TAFA5: variants seen among roughly 807,000 people sequenced by gnomAD.
TAFA5 encodes the protein chemokine-like protein TAFA-5.
A neutral mutation model predicts 15.3 loss-of-function variants in TAFA5; 6 were observed. The ratio of observed to expected loss-of-function variants is 0.39; its 90% confidence interval spans 0.21 to 0.77. The LOEUF (loss-of-function observed/expected upper bound fraction) is 0.77, where lower values mean the gene tolerates loss of function less well. Among genes scored for constraint, TAFA5 ranks in the 30% least tolerant of loss-of-function variants. The pLI is 0.41. For missense variants in TAFA5, 161 were observed against 193.1 expected (o/e 0.83, Z 0.98); for synonymous variants, 103 against 80.7 (o/e 1.28, Z -1.48).
intron 1 of TAFA5, among the ~76,000 whole-genome samples, chr22:48,517,712 G>A (rs1166669575): frequency 6.8e-6 from 1 of 147,320 alleles, no homozygotes; most frequent in Non-Finnish European, 1.5e-5. Context: ...GCCTAGGCTG[G>A]GGCACCGAGA....
In TAFA5 at chr22:48,530,644, C is replaced by A. The variant is rs1156614629; in HGVS notation, c.112+40940C>A. On this transcript the variant is annotated intron_variant, in intron 1 of 3. Coordinates refer to ENST00000402357, the MANE Select transcript of TAFA5 (RefSeq NM_001082967.3). The surrounding 1 kb of genome is among the most constrained non-coding windows in gnomAD (Gnocchi z 6.0). ...CCTTCCCATCCCTTCTGCTTGGCGA[C>A]CCTCCTCCAATGGGCTCCCGTCTTT... Among the ~76,000 whole-genome samples the A allele has an allele frequency of 6.6e-6, 1 of 152,066 alleles. No homozygotes were observed. Among genetic ancestry groups the A allele is most frequent in the Non-Finnish European group, 1.5e-5 (1 of 68,020 alleles).
chr22:48,602,164 C>G (rs1924998266), intron 1 of TAFA5, among the ~76,000 whole-genome samples: 1 of 152,212 alleles, frequency 6.6e-6, no homozygotes, highest in Non-Finnish European at 1.5e-5. Flanking sequence ...TTCCTCAAGC[C>G]CCAGGCAGTG....
chr22:48,540,172 G>C (rs1174539694), intron 1 of TAFA5, among the ~76,000 whole-genome samples: 1 of 152,202 alleles, frequency 6.6e-6, no homozygotes, highest in East Asian at 1.9e-4. Context: ...ACGGGAGGGT[G>C]AGTTTGCCCA....
intron 1 of TAFA5, among the ~76,000 whole-genome samples, chr22:48,510,270 G>A (rs986678861): frequency 2.0e-5 from 3 of 152,184 alleles, no homozygotes; most frequent in Non-Finnish European, 4.4e-5. Context: ...TGTGGAATGG[G>A]CGAGAATATT....
intron 1 of TAFA5, among the ~76,000 whole-genome samples, chr22:48,527,545 T>C (rs567914496): frequency 6.6e-6 from 1 of 152,316 alleles, no homozygotes; most frequent in South Asian, 2.1e-4. Flanking sequence ...AAGGACATGG[T>C]GCACAGTCCT....
intron 3 of TAFA5, among the ~76,000 whole-genome samples, chr22:48,722,353 A>G (rs1188449830): frequency 2.6e-5 from 4 of 152,232 alleles, no homozygotes; most frequent in African/African-American, 9.6e-5. Context: ...TGGCACATAT[A>G]CACCATAGAA....
chr22:48,599,770 T>C (rs1174883516), intron 1 of TAFA5, among the ~76,000 whole-genome samples: 2 of 152,230 alleles, frequency 1.3e-5, no homozygotes, highest in African/African-American at 4.8e-5. Context: ...TGCCGATGTT[T>C]GAGGCAGATC....
rs142378122 is a variant in TAFA5, at chr22:48,701,949, G to A, written c.263-5768G>A. 6.0e-3 allele frequency among the ~76,000 whole-genome samples: 920 copies of A among 152,292 alleles called. 5 individuals are homozygous for A. Among genetic ancestry groups the A allele is most frequent in the African/African-American group, 0.021 (872 of 41,566 alleles). The stretch of plus-strand genomic sequence containing the variant: ...CCGGGGACTGGGGGGCCTTGGAGCG[G>A]GAGCTGGCCTCTGTCTGGGGAGGCA... On this transcript the variant is annotated intron_variant, in intron 2 of 3. Coordinates refer to ENST00000402357, the MANE Select transcript of TAFA5 (RefSeq NM_001082967.3).
At chr22:48,691,102 G>C (rs920043525) in intron 2 of TAFA5, among the ~76,000 whole-genome samples, 3 of 152,194 alleles carry the variant, frequency 2.0e-5, no homozygotes, top group Admixed American at 1.3e-4. Context: ...GCAGCGGCCG[G>C]TGAAGTCCCT....
intron 1 of TAFA5, among the ~76,000 whole-genome samples, chr22:48,540,694 A>T (rs1331941116): frequency 2.0e-5 from 3 of 151,700 alleles, no homozygotes; most frequent in Admixed American, 6.6e-5. Context: ...GTACTAAAAT[A>T]ATCTTATAAT....
chr22:48,549,760 G>T (rs536786271), intron 1 of TAFA5, among the ~76,000 whole-genome samples: 4 of 152,350 alleles, frequency 2.6e-5, no homozygotes, highest in African/African-American at 9.6e-5. Flanking sequence ...GTGTGGCCTG[G>T]AGTGGTTGTC....
rs1922884287 is a variant in TAFA5 at position 48,552,321 on chromosome 22, C to T, written c.112+62617C>T. Among the ~76,000 whole-genome samples, 1 of 152,122 alleles carries T rather than the reference C, an allele frequency of 6.6e-6. No homozygotes were observed. On this transcript the variant is annotated intron_variant, in intron 1 of 3. Coordinates refer to ENST00000402357, the MANE Select transcript of TAFA5 (RefSeq NM_001082967.3). This position sits in a 1 kb window ranked among gnomAD's most constrained non-coding sequence, Gnocchi z 4.1. Reference sequence around the variant, plus strand: ...GGCTCTGGGCAGGGAGGAGGGCTTCCTGGAGGCAGTGGCAGAAGTCTGATG... The same window carrying T: ...GGCTCTGGGCAGGGAGGAGGGCTTCTTGGAGGCAGTGGCAGAAGTCTGATG...
intron 1 of TAFA5, among the ~76,000 whole-genome samples, chr22:48,613,687 C>T (rs1016381010): frequency 6.6e-6 from 1 of 152,224 alleles, no homozygotes; most frequent in Admixed American, 6.5e-5. Flanking sequence ...CTTGGCTCCA[C>T]CTGCTCTGGC....
chr22:48,592,263 C>T (rs754503175), intron 1 of TAFA5, among the ~76,000 whole-genome samples: 1 of 152,200 alleles, frequency 6.6e-6, no homozygotes, highest in East Asian at 1.9e-4. Context: ...TGTACAGTGG[C>T]CCTGGAGTGA....
At chr22:48,651,173 G>A (rs1927041421) in intron 2 of TAFA5, among the ~76,000 whole-genome samples, 1 of 152,246 alleles carries the variant, frequency 6.6e-6, no homozygotes, top group Admixed American at 6.5e-5. Flanking sequence ...GGGCAGCAGA[G>A]GGTGGTGGTT....
chr22:48,679,781 T>TGTCCATCCCTCTCCCGGCTCCCC (rs1928119688), intron 2 of TAFA5, among the ~76,000 whole-genome samples: 1 of 124,300 alleles, frequency 8.0e-6, no homozygotes, highest in Non-Finnish European at 1.6e-5. Context: ...CCCGGCTCCC[T>TGTCCATCCCTCTCCCGGCTCCCC]GTCCATCCCT....
At chr22:48,554,031 T>A (rs926407489) in intron 1 of TAFA5, among the ~76,000 whole-genome samples, 2 of 152,220 alleles carry the variant, frequency 1.3e-5, no homozygotes, top group African/African-American at 4.8e-5. Flanking sequence ...GGCTTCCTTT[T>A]TATCCTGCTC....
At chr22:48,543,226 A>C (rs1053146785) in intron 1 of TAFA5, 2 of 152,092 alleles carry the variant, frequency 1.3e-5, no homozygotes, top group East Asian at 3.9e-4. Context: ...TTTGGCCCTT[A>C]TTACCAATCA....
At chr22:48,604,244 C>G (rs972392990) in intron 1 of TAFA5, among the ~76,000 whole-genome samples, 5 of 152,242 alleles carry the variant, frequency 3.3e-5, no homozygotes, top group African/African-American at 1.2e-4. Context: ...ATCTCAGGCA[C>G]TGCGTTCCTT....
Sources: allele counts gnomAD v4.1 joint callset (sites outside exome capture counted in the v4.1 genomes callset), GRCh38; gene constraint gnomAD v4.1.1; non-coding constraint Gnocchi (gnomAD v3.1); transcripts MANE v1.5; gene names NCBI Gene and HGNC (gene_info 2026-07-23, HGNC 2026-07-21).